Variants in SIPA1L1 observed in about 807,000 individuals in gnomAD.
The protein encoded by SIPA1L1 is signal-induced proliferation-associated 1-like protein 1.
Under a neutral mutation model 162.7 loss-of-function variants are expected in SIPA1L1, and 26 were observed. The observed-to-expected ratio is 0.16, with a 90% CI of 0.12 to 0.22. The LOEUF (loss-of-function observed/expected upper bound fraction) is 0.22. SIPA1L1 is among the 10% of genes least tolerant of loss of function. The probability of loss-of-function intolerance (pLI) is 1.00; values close to 1 mark genes in which losing one functional copy is unlikely to be tolerated. For missense variants in SIPA1L1, 1,874 were observed against 2,241.0 expected (o/e 0.84, Z 3.31); for synonymous variants, 829 against 837.4 (o/e 0.99, Z 0.17).
chr14:71,439,922 C>T (rs1001335704), intron 2 of SIPA1L1, among the ~76,000 whole-genome samples: 7 of 152,188 alleles, frequency 4.6e-5, no homozygotes, highest in African/African-American at 1.4e-4. Flanking sequence ...TTAGAAGCCA[C>T]TCCCTATTAA....
chr14:71,725,025 C>T (rs910401297), intron 19 of SIPA1L1, among the ~76,000 whole-genome samples, 190 bp downstream of exon 19: 18 of 152,218 alleles, frequency 1.2e-4, no homozygotes, highest in African/African-American at 3.9e-4. Flanking sequence ...CCTGCAGCCA[C>T]ATCTCATTAG....
At chr14:71,731,892 C>T (rs533865619) in intron 20 of SIPA1L1, among the ~76,000 whole-genome samples, 1 of 152,330 alleles carries the variant, frequency 6.6e-6, no homozygotes, top group East Asian at 1.9e-4. Flanking sequence ...CCTCATTGGG[C>T]TGATCCCTCA....
At chr14:71,670,551 A>G (rs766541389) in intron 10 of SIPA1L1, among the ~76,000 whole-genome samples, 2 of 152,200 alleles carry the variant, frequency 1.3e-5, no homozygotes, top group Non-Finnish European at 1.5e-5. Context: ...TATGCTTTTA[A>G]TCTGGTTGCA....
intron 4 of SIPA1L1, among the ~76,000 whole-genome samples, chr14:71,569,698 C>T (rs2146940571): frequency 6.6e-6 from 1 of 152,284 alleles, no homozygotes; most frequent in Admixed American, 6.5e-5. Context: ...ATAGGAAAAA[C>T]AAGGGAGGCC....
At position 71,588,273 on chromosome 14, in the gene SIPA1L1, G is replaced by T; in HGVS notation, c.401G>T (p.Ser134Ile). 1 of 1,614,096 alleles carries T rather than the reference G, an allele frequency of 6.2e-7. No individual in the cohort carries two copies. The highest frequency in any genetic ancestry group is 8.5e-7 in the Non-Finnish European group (1 of 1,180,008). The change falls in exon 5 of 24, where the codon AGC becomes ATC. Residue 134 changes from serine (S) to isoleucine (I), a missense_variant. By Grantham distance (142) the Ser-to-Ile change is moderately radical (BLOSUM62 -2). This residue lies in a region of SIPA1L1 where 685 missense variants were observed against 828.0 expected (regional missense o/e 0.83). Transcript: ENST00000381232. The surrounding 1 kb of genome is among the most constrained non-coding windows in gnomAD (Gnocchi z 4.3). ...LNSNDSAMLK[S>I]IQNTLKNKTR... Reference sequence around the variant, plus strand: ...TCCAATGACTCAGCCATGCTGAAAAGCATACAGAACACGCTGAAAAACAAG... The same window carrying T: ...TCCAATGACTCAGCCATGCTGAAAATCATACAGAACACGCTGAAAAACAAG...
At chr14:71,571,786 C>A (rs1028132569) in intron 4 of SIPA1L1, among the ~76,000 whole-genome samples, 1 of 151,364 alleles carries the variant, frequency 6.6e-6, no homozygotes, top group Non-Finnish European at 1.5e-5. Context: ...GGACTACAGG[C>A]GCCTGCCACC....
intron 4 of SIPA1L1, among the ~76,000 whole-genome samples, chr14:71,585,494 T>C (rs1254017110): frequency 6.6e-6 from 1 of 152,226 alleles, no homozygotes; most frequent in East Asian, 1.9e-4. Context: ...TGGTGGAGAC[T>C]GAGCATTTCC....
intron 2 of SIPA1L1, among the ~76,000 whole-genome samples, chr14:71,409,365 C>G (rs527615840): frequency 3.2e-4 from 49 of 152,218 alleles, no homozygotes; most frequent in African/African-American, 1.2e-3. Flanking sequence ...AGGCCACCCC[C>G]TTATGGGTCC....
At chr14:71,416,720 T>TA (rs1555418062) in intron 2 of SIPA1L1, among the ~76,000 whole-genome samples, 1 of 147,738 alleles carries the variant, frequency 6.8e-6, no homozygotes, top group Non-Finnish European at 1.5e-5. Context: ...AAGAAAAATC[T>TA]ACACACACAC....
intron 13 of SIPA1L1, among the ~76,000 whole-genome samples, chr14:71,695,131 A>C (rs759986013): frequency 1.3e-5 from 2 of 152,204 alleles, no homozygotes; most frequent in African/African-American, 2.4e-5. Context: ...TTCTCAAATA[A>C]TATTTGTGTG....
At position 71,377,182 on chromosome 14, in the gene SIPA1L1, G is replaced by A. The variant is rs1212883295; in HGVS notation, c.-465+56001G>A. Among the ~76,000 whole-genome samples, 12 of 151,424 alleles carry A rather than the reference G, an allele frequency of 7.9e-5. No individual in the cohort carries two copies. Among genetic ancestry groups the A allele is most frequent in the Non-Finnish European group, 1.2e-4 (8 of 67,774 alleles). On this transcript the variant is annotated intron_variant, in intron 2 of 23. Transcript: ENST00000381232. This position sits in a 1 kb window ranked among gnomAD's most constrained non-coding sequence, Gnocchi z 4.8. ...GCAGCCCCCACCTCCCAGATGGGGC[G>A]GCGGCCGGGTGGGGGCGCCCCCCCA...
chr14:71,536,287 G>A (rs1032728301), intron 4 of SIPA1L1, among the ~76,000 whole-genome samples: 2 of 152,156 alleles, frequency 1.3e-5, no homozygotes, highest in East Asian at 1.9e-4. Flanking sequence ...GGATAACTTA[G>A]TATGCCACAA....
intron 2 of SIPA1L1, among the ~76,000 whole-genome samples, chr14:71,431,665 G>C (rs1352023204): frequency 6.6e-6 from 1 of 152,130 alleles, no homozygotes; most frequent in Non-Finnish European, 1.5e-5. Context: ...CTGTACTCCA[G>C]CCTGGGCAAC....
rs1251899943 is a variant in SIPA1L1 at position 71,587,992 on chromosome 14, G to A, written c.120G>A (p.Arg40=). The A allele has an allele frequency of 1.2e-6, 2 of 1,613,948 alleles. No individual in the cohort carries two copies. Among genetic ancestry groups the A allele is most frequent in the East Asian group, 2.2e-5 (1 of 44,894 alleles). ...ATGATTTCTACATGCGGCGCTTCCG[G>A]TCCCAAAATGGCAGCTTAGGATCAT... The part of the protein sequence containing the change: ...HTDDFYMRRF[R]SQNGSLGSSV... The change falls in exon 5 of 24, where the codon CGG becomes CGA. Residue 40 remains arginine, a synonymous_variant. Transcript: ENST00000381232.
intron 2 of SIPA1L1, among the ~76,000 whole-genome samples, chr14:71,457,451 A>G (rs1225111720): frequency 6.6e-6 from 1 of 150,862 alleles, no homozygotes; most frequent in African/African-American, 2.4e-5. Flanking sequence ...GGCACATGTC[A>G]CCACTCCTAG....
At chr14:71,514,760 T>G (rs187695055) in intron 3 of SIPA1L1, among the ~76,000 whole-genome samples, 1 of 152,326 alleles carries the variant, frequency 6.6e-6, no homozygotes, top group Admixed American at 6.5e-5. Context: ...GAATACCTTC[T>G]CAGCAACACC....
chr14:71,545,102 C>T (rs894873623), intron 4 of SIPA1L1, among the ~76,000 whole-genome samples: 4 of 152,176 alleles, frequency 2.6e-5, no homozygotes, highest in African/African-American at 7.2e-5. Context: ...TCAAGCAGTC[C>T]TCCTGCCTTG....
chr14:71,510,801 A>G (rs2051085849), intron 2 of SIPA1L1, among the ~76,000 whole-genome samples: 1 of 152,212 alleles, frequency 6.6e-6, no homozygotes, highest in South Asian at 2.1e-4. Flanking sequence ...CATCTGGGAC[A>G]TAGTCCTGAA....
intron 4 of SIPA1L1, chr14:71,586,460 C>T (rs763216659): frequency 6.6e-5 from 10 of 152,234 alleles, no homozygotes; most frequent in African/African-American, 9.6e-5. Flanking sequence ...TAGACAATGC[C>T]GCCCTGTCAG....
Sources: allele counts gnomAD v4.1 joint callset (sites outside exome capture counted in the v4.1 genomes callset), GRCh38; gene constraint gnomAD v4.1.1; regional missense constraint gnomAD v4.1.1; non-coding constraint Gnocchi (gnomAD v3.1); transcripts MANE v1.5; gene names NCBI Gene and HGNC (gene_info 2026-07-23, HGNC 2026-07-21).